NIF3L1: variants seen among roughly 807,000 people sequenced by gnomAD.
The protein encoded by NIF3L1 is NIF3-like protein 1.
In NIF3L1, 26 loss-of-function variants were observed where a neutral mutation model predicts 35.0. The ratio of observed to expected loss-of-function variants is 0.74; its 90% CI spans 0.54 to 1.03. The LOEUF is 1.03. NIF3L1 is among the 50% of genes least tolerant of loss of function. The pLI is 0.00. For synonymous variants in NIF3L1, 157 were observed against 178.9 expected, an observed-to-expected ratio of 0.88 and a Z score of 0.98; for missense variants, 449 against 466.3, an observed-to-expected ratio of 0.96 and a Z score of 0.34.
chr2:200,895,033 G>A lies in NIF3L1; in HGVS notation c.600-231G>A, dbSNP rs12612394. On this transcript the variant is annotated intron_variant, in intron 3 of 6. Transcript: ENST00000409020. ...ATATAATGAATCAGAAACTCCAGGG[G>A]TGGGGCCCAGCACTCTGTGTTTTAA... Among the ~76,000 whole-genome samples, 6 of 152,282 alleles carry A rather than the reference G, an allele frequency of 3.9e-5. No individual in the cohort carries two copies. The East Asian group carries it at 7.7e-4, about 20-fold the overall frequency.
Position 200,891,528 on chromosome 2 carries a change from G to A in NIF3L1, c.-26-390G>A, listed in dbSNP as rs113109594. Among the ~76,000 whole-genome samples, 982 of 152,240 alleles carry A rather than the reference G, an allele frequency of 6.5e-3. 13 individuals carry two copies. Among genetic ancestry groups the A allele is most frequent in the African/African-American group, 0.022 (928 of 41,526 alleles). The stretch of plus-strand genomic sequence containing the variant: ...AAGTTTTATTTAAGAAGTTGGAGGG[G>A]GCTTGGGAAAAGGAAAGGTAATATT... On this transcript the variant is annotated intron_variant, in intron 1 of 6. Transcript: ENST00000409020.
intron 5 of NIF3L1, among the ~76,000 whole-genome samples, chr2:200,898,383 C>G (rs2040352494): frequency 6.6e-6 from 1 of 152,136 alleles, no homozygotes; most frequent in Non-Finnish European, 1.5e-5. Flanking sequence ...ATGAAACCAT[C>G]AGATCTCGTG....
chr2:200,903,468 A>G lies in NIF3L1; in HGVS notation c.950-26A>G, dbSNP rs370181077. On this transcript the variant is annotated intron_variant, in intron 6 of 6. Transcript: ENST00000409020. ...CCACAGATTCCATATTTAGCATTTA[A>G]GAATTTGCTCTTCCCTTTTTGGTAG... 7 of 1,592,534 alleles carry G rather than the reference A, an allele frequency of 4.4e-6. No individual in the cohort carries two copies. The African/African-American group carries it at 9.4e-5, about 21-fold the overall frequency.
At chr2:200,897,317 C>T in intron 5 of NIF3L1, 103 bp downstream of exon 5, 1 of 1,270,038 alleles carries the variant, frequency 7.9e-7, no homozygotes, top group African/African-American at 1.5e-5. Flanking sequence ...GTGTTAGCAG[C>T]TCATAGGAGA....
chr2:200,898,197 C>T (rs890165452), intron 5 of NIF3L1, among the ~76,000 whole-genome samples: 1 of 152,172 alleles, frequency 6.6e-6, no homozygotes, highest in African/African-American at 2.4e-5. Context: ...TTCGTTCTCA[C>T]GCTGCTATGA....
At chr2:200,897,018 G>C in intron 4 of NIF3L1, 58 bp from the exon 5 acceptor site, 1 of 1,555,352 alleles carries the variant, frequency 6.4e-7, no homozygotes, top group Non-Finnish European at 8.8e-7. Context: ...GATGATTTTA[G>C]CATTTGTTGT....
At chr2:200,891,662 C>A in intron 1 of NIF3L1, 1 of 447,326 alleles carries the variant, frequency 2.2e-6, no homozygotes, top group Non-Finnish European at 4.0e-6. Flanking sequence ...ATGTACCAGG[C>A]TTTGCTAGGT....
intron 6 of NIF3L1, 152 bp from the exon 7 acceptor site, chr2:200,903,342 G>T (rs1278192887): frequency 3.0e-6 from 2 of 670,180 alleles, no homozygotes; most frequent in East Asian, 5.4e-5. Context: ...AAAGAAAACT[G>T]TACACTACTT....
rs771785505 is a variant in NIF3L1, at chr2:200,892,215, C to A, written c.272C>A (p.Ser91Tyr). Reference protein sequence around the residue: ...VLQKKADLILSYHPPIFRPMK... With the variant: ...VLQKKADLILYYHPPIFRPMK... ...CAAAAGAAGGCAGACCTCATTCTCTCCTACCATCCGCCTATCTTCCGACCC... is the reference window on the plus strand; with the variant it reads ...CAAAAGAAGGCAGACCTCATTCTCTACTACCATCCGCCTATCTTCCGACCC... The change falls in exon 2 of 7, where the codon TCC (serine) becomes TAC (tyrosine). Residue 91 changes from serine to tyrosine, a missense_variant. Transcript: ENST00000409020. 1 of 1,614,078 alleles carries A rather than the reference C, an allele frequency of 6.2e-7. No homozygotes were observed. The highest frequency in any genetic ancestry group is 1.3e-5 in the African/African-American group (1 of 74,930).
rs754740309 is a variant in NIF3L1, at chr2:200,903,619, G to C, written c.1075G>C (p.Glu359Gln). 6.2e-7 allele frequency: 1 copy of C among 1,613,974 alleles called. No individual in the cohort carries two copies. The highest frequency in any genetic ancestry group is 8.5e-7 in the Non-Finnish European group (1 of 1,179,884). The change falls in exon 7 of 7, where the codon GAG (glutamate) becomes CAG (glutamine). Residue 359 changes from glutamate (E) to glutamine (Q), a missense_variant. Transcript: ENST00000409020. ...TCGAGATATGCTGGATTCTCACTTG[G>C]AGAATAAGATAAATATTATCCTATC... ...DLRDMLDSHL[E>Q]NKINIILSET...
chr2:200,893,685 T>A (rs2040246325), intron 3 of NIF3L1, among the ~76,000 whole-genome samples: 1 of 152,214 alleles, frequency 6.6e-6, no homozygotes, highest in Non-Finnish European at 1.5e-5. Context: ...TCAAAGATAG[T>A]TGTTTTTACT....
intron 1 of NIF3L1, 102 bp from the exon 2 acceptor site, chr2:200,891,816 C>A: frequency 1.4e-6 from 1 of 701,690 alleles, no homozygotes; most frequent in Non-Finnish European, 2.4e-6. Context: ...CTATTTGAAC[C>A]CAGATCTCTA....
chr2:200,897,889 G>A (rs2040344820), intron 5 of NIF3L1, among the ~76,000 whole-genome samples: 1 of 152,202 alleles, frequency 6.6e-6, no homozygotes, highest in African/African-American at 2.4e-5. Context: ...AAAGCAGTGG[G>A]GTACAGCGGT....
At chr2:200,895,513 T>C in intron 4 of NIF3L1, 123 bp downstream of exon 4, 4 of 903,300 alleles carry the variant, frequency 4.4e-6, no homozygotes, top group South Asian at 1.6e-5. Context: ...ATAATTGATA[T>C]ACTAAGAATT....
At chr2:200,902,018 T>G (rs953922437) in intron 6 of NIF3L1, among the ~76,000 whole-genome samples, 2 of 152,186 alleles carry the variant, frequency 1.3e-5, no homozygotes, top group African/African-American at 4.8e-5. Context: ...ATGACACTTA[T>G]TAGGAGGAGA....
chr2:200,900,154 G>A (rs1343747911), intron 6 of NIF3L1, among the ~76,000 whole-genome samples: 1 of 152,034 alleles, frequency 6.6e-6, no homozygotes, highest in African/African-American at 2.4e-5. Context: ...TGCCTCTTGT[G>A]GGTCCCTATC....
intron 5 of NIF3L1, chr2:200,899,131 C>T (rs2040367876): frequency 5.8e-6 from 2 of 344,774 alleles, no homozygotes; most frequent in Non-Finnish European, 1.1e-5. Context: ...GCGCAATTTA[C>T]AAAGGTTGTT....
intron 6 of NIF3L1, among the ~76,000 whole-genome samples, chr2:200,900,490 A>G (rs76081095): frequency 1.3e-5 from 2 of 152,168 alleles, no homozygotes; most frequent in Non-Finnish European, 2.9e-5. Flanking sequence ...GGCTACTTCC[A>G]TGCTTCCCTT....
intron 4 of NIF3L1, 68 bp downstream of exon 4, chr2:200,895,458 T>C: frequency 1.3e-6 from 2 of 1,485,868 alleles, no homozygotes; most frequent in East Asian, 2.3e-5. Flanking sequence ...ATAATTGAGG[T>C]ATAATTGATA....
Sources: allele counts gnomAD v4.1 joint callset (sites outside exome capture counted in the v4.1 genomes callset), GRCh38; gene constraint gnomAD v4.1.1; transcripts MANE v1.5; gene names NCBI Gene and HGNC (gene_info 2026-07-23, HGNC 2026-07-21).